Variants in ZFYVE1 observed in about 807,000 individuals in gnomAD.
The protein encoded by ZFYVE1 is zinc finger FYVE-type containing 1.
In ZFYVE1, 30 loss-of-function variants were observed where a neutral mutation model predicts 74.4. The observed-to-expected ratio is 0.40, with a 90% CI of 0.30 to 0.55. The LOEUF (loss-of-function observed/expected upper bound fraction) is 0.55. Among genes scored for constraint, ZFYVE1 ranks in the 20% least tolerant of loss-of-function variants. The probability of loss-of-function intolerance (pLI) is 0.42; values close to 1 mark genes in which losing one functional copy is unlikely to be tolerated. For synonymous variants in ZFYVE1, 335 were observed against 385.1 expected (o/e 0.87, Z 1.52); for missense variants, 703 against 1,011.6 (o/e 0.69, Z 4.14).
At chr14:73,013,323 ATGGGCCAGGTGCAG>A (rs969596263) in intron 2 of ZFYVE1, among the ~76,000 whole-genome samples, 2 of 152,154 alleles carry the variant, frequency 1.3e-5, no homozygotes, top group African/African-American at 2.4e-5. Flanking sequence ...GAGGGGCAAA[ATGGGCCAGGTGCAG>A]TGGCTCACGC....
chr14:72,975,414 T>C lies in ZFYVE1; in HGVS notation c.1806+137A>G. 8.8e-7 allele frequency: 1 copy of C among 1,132,212 alleles called. No homozygotes were observed. The highest frequency in any genetic ancestry group is 1.2e-6 in the Non-Finnish European group (1 of 805,146). 70.1% of individuals were successfully genotyped at this position (1,132,212 alleles called of 1,614,324 possible). On this transcript the variant is annotated intron_variant, in intron 9 of 11. Coordinates refer to ENST00000556143, the MANE Select transcript of ZFYVE1 (RefSeq NM_021260.4). The surrounding 1 kb of genome is among the most constrained non-coding windows in gnomAD (Gnocchi z 4.1). ...TGGCTGCCTCAACGACTCCTCCCCT[T>C]GCCGGTACTCACAGAGCTCACTGCA...
Position 72,969,509 on chromosome 14 carries a change from CCA to C in ZFYVE1, c.*1371_*1372del, listed in dbSNP as rs1892973270. ...TGGTACACAGTTCTAGAGTAGGGTC[CCA>C]GTCACTGGACCCCAGGAGGCAGGAG... is the stretch of plus-strand genomic sequence containing the variant. On this transcript the variant is annotated 3_prime_UTR_variant, in exon 12 of 12. Coordinates refer to ENST00000556143, the MANE Select transcript of ZFYVE1 (RefSeq NM_021260.4). 1 of 589,970 alleles carries C rather than the reference CCA, an allele frequency of 1.7e-6. No homozygotes were observed. Among genetic ancestry groups the C allele is most frequent in the Admixed American group, 3.1e-5 (1 of 31,764 alleles). The allele number at this position is 589,970 out of a possible 1,614,324, so 36.5% of individuals were successfully genotyped here.
chr14:73,020,570 T>A (rs183036989), intron 2 of ZFYVE1, among the ~76,000 whole-genome samples: 177 of 152,274 alleles, frequency 1.2e-3, no homozygotes, highest in Admixed American at 2.0e-3. Flanking sequence ...GCCAGACTGG[T>A]CTCGAGCTCC....
chr14:72,974,735 G>A (rs777952568), intron 10 of ZFYVE1, 44 bp downstream of exon 10: 1 of 1,559,646 alleles, frequency 6.4e-7, no homozygotes, highest in Admixed American at 1.8e-5. Flanking sequence ...GCCAATGTGG[G>A]AGGTTCTCCC....
At chr14:72,974,754 C>T (rs1438568750) in intron 10 of ZFYVE1, 25 bp downstream of exon 10, 2 of 1,581,182 alleles carry the variant, frequency 1.3e-6, no homozygotes, top group Admixed American at 3.4e-5. Context: ...CCCTCCACCC[C>T]TGCAGCTCCC....
At chr14:73,006,326 G>A (rs1893978470) in intron 2 of ZFYVE1, among the ~76,000 whole-genome samples, 1 of 152,054 alleles carries the variant, frequency 6.6e-6, no homozygotes, top group Non-Finnish European at 1.5e-5. Context: ...TGTAATCCCA[G>A]CACTTTGGGA....
intron 4 of ZFYVE1, among the ~76,000 whole-genome samples, chr14:72,985,883 G>C (rs1893466433): frequency 6.6e-6 from 1 of 152,164 alleles, no homozygotes; most frequent in Non-Finnish European, 1.5e-5. Context: ...AAACTGCTGG[G>C]ATTATAGGCG....
At chr14:73,026,890 C>CGCCCT (rs1356806160) in intron 1 of ZFYVE1, 36 bp downstream of exon 1, 1 of 396,328 alleles carries the variant, frequency 2.5e-6, no homozygotes, top group Non-Finnish European at 4.5e-6. Context: ...GTGCCCTCCC[C>CGCCCT]GCCCTGCCCT....
intron 2 of ZFYVE1, among the ~76,000 whole-genome samples, chr14:73,023,046 AG>A (rs1290822348): frequency 6.6e-6 from 1 of 151,330 alleles, no homozygotes; most frequent in Admixed American, 6.7e-5. Flanking sequence ...CTGTAATCCC[AG>A]CTACTTGGGA....
At position 72,998,158 on chromosome 14, in the gene ZFYVE1, T is replaced by A; in HGVS notation, c.641A>T (p.Gln214Leu). The A allele has an allele frequency of 6.2e-7, 1 of 1,614,076 alleles. No homozygotes were observed. Among genetic ancestry groups the A allele is most frequent in the Non-Finnish European group, 8.5e-7 (1 of 1,179,990 alleles). The change falls in exon 3 of 12, where the codon CAG (glutamine) becomes CTG (leucine). Residue 214 changes from glutamine (Q) to leucine (L), a missense_variant. Physicochemically the swap from Gln to Leu is moderately radical, Grantham distance 113. Coordinates refer to ENST00000556143, the MANE Select transcript of ZFYVE1 (RefSeq NM_021260.4). ...CCACACTCCCACAGTGCAGGACTCCTGGGTCGGGGAGGTTTTAAAGACTTC... is the reference window on the plus strand; with the variant it reads ...CCACACTCCCACAGTGCAGGACTCCAGGGTCGGGGAGGTTTTAAAGACTTC... ...GREVFKTSPTQESCTVGVWAA... is the reference protein window; with the variant it reads ...GREVFKTSPTLESCTVGVWAA...
chr14:73,023,176 ATATAT>A (rs1346303637), intron 2 of ZFYVE1, among the ~76,000 whole-genome samples: 3 of 137,760 alleles, frequency 2.2e-5, no homozygotes, highest in Non-Finnish European at 4.6e-5. Context: ...ATATATATAT[ATATAT>A]ATATATATAT....
chr14:72,981,131 C>T (rs74465905), intron 5 of ZFYVE1, among the ~76,000 whole-genome samples: 21,783 of 152,156 alleles, frequency 0.14, 1,697 homozygotes, highest in East Asian at 0.2. Context: ...GTGATGCATA[C>T]ACAATTGAAG....
At chr14:72,983,471 A>G (rs375121269) in intron 4 of ZFYVE1, among the ~76,000 whole-genome samples, 2 of 150,136 alleles carry the variant, frequency 1.3e-5, no homozygotes, top group Non-Finnish European at 2.9e-5. Flanking sequence ...TTGTCCTTGC[A>G]ATAGTTTGCT....
Position 72,970,602 on chromosome 14 carries a change from G to A in ZFYVE1, c.*280C>T, listed in dbSNP as rs1199820594. On this transcript the variant is annotated 3_prime_UTR_variant, in exon 12 of 12. Coordinates refer to ENST00000556143, the MANE Select transcript of ZFYVE1 (RefSeq NM_021260.4). The stretch of plus-strand genomic sequence containing the variant: ...GTGCCTTTCATATGTATATATGAGA[G>A]AGAGATATACACATATATATTCATT... 4.3e-6 allele frequency: 2 copies of A among 466,510 alleles called. No individual in the cohort carries two copies. The highest frequency in any genetic ancestry group is 7.8e-6 in the Non-Finnish European group (2 of 257,818). 28.9% of individuals were successfully genotyped at this position (466,510 alleles called of 1,614,324 possible).
intron 6 of ZFYVE1, 44 bp downstream of exon 6, chr14:72,978,817 C>T: frequency 6.4e-7 from 1 of 1,563,194 alleles, no homozygotes; most frequent in Non-Finnish European, 8.8e-7. Context: ...AGAGAGTGGT[C>T]AGCAAGCCCG....
chr14:73,004,952 C>T (rs990851038), intron 2 of ZFYVE1, among the ~76,000 whole-genome samples: 5 of 149,902 alleles, frequency 3.3e-5, no homozygotes, highest in Non-Finnish European at 5.9e-5. Flanking sequence ...GCCGAGATCA[C>T]GCCACTGTAC....
At chr14:72,979,456 A>G (rs1484003685) in intron 5 of ZFYVE1, among the ~76,000 whole-genome samples, 1 of 151,690 alleles carries the variant, frequency 6.6e-6, no homozygotes, top group Non-Finnish European at 1.5e-5. Flanking sequence ...GTTCAAGACC[A>G]GCCTGACCAA....
intron 3 of ZFYVE1, among the ~76,000 whole-genome samples, chr14:72,995,316 C>T (rs1253648579): frequency 1.3e-5 from 2 of 152,140 alleles, no homozygotes; most frequent in African/African-American, 2.4e-5. Flanking sequence ...AGGCTGGTCT[C>T]AAACCCCAAA....
chr14:73,021,262 C>G (rs540507378), intron 2 of ZFYVE1, among the ~76,000 whole-genome samples: 1 of 152,098 alleles, frequency 6.6e-6, no homozygotes, highest in South Asian at 2.1e-4. Flanking sequence ...GCAGGAGAAT[C>G]GCTTGAACCT....
Sources: allele counts gnomAD v4.1 joint callset (sites outside exome capture counted in the v4.1 genomes callset), GRCh38; gene constraint gnomAD v4.1.1; non-coding constraint Gnocchi (gnomAD v3.1); transcripts MANE v1.5; gene names NCBI Gene and HGNC (gene_info 2026-07-23, HGNC 2026-07-21).